RIMBP2: variants seen among roughly 807,000 people sequenced by gnomAD.
RIMBP2 encodes the protein RIMS-binding protein 2.
In RIMBP2, 48 loss-of-function variants were observed where a neutral mutation model predicts 118.6. The observed-to-expected ratio is 0.40, with a 90% CI of 0.32 to 0.51. The LOEUF is 0.51. Among genes scored for constraint, RIMBP2 ranks in the 20% least tolerant of loss-of-function variants. RIMBP2 has a pLI of 0.41. For synonymous variants in RIMBP2, 762 were observed against 742.9 expected, an observed-to-expected ratio of 1.03 and a Z score of -0.42; for missense variants, 1,551 against 1,768.3, an observed-to-expected ratio of 0.88 and a Z score of 2.20.
chr12:130,646,630 A>T (rs993961562), intron 1 of RIMBP2, among the ~76,000 whole-genome samples: 2 of 152,240 alleles, frequency 1.3e-5, no homozygotes, highest in African/African-American at 4.8e-5. Flanking sequence ...TCTTAGAGGT[A>T]TAGGGAGCTT....
intron 2 of RIMBP2, among the ~76,000 whole-genome samples, chr12:130,556,688 C>T (rs1426793500): frequency 1.3e-5 from 2 of 152,196 alleles, no homozygotes; most frequent in Non-Finnish European, 1.5e-5. Context: ...GGCTCCCCAC[C>T]TTCTCGCCTG....
chr12:130,478,017 G>A (rs572959014), intron 5 of RIMBP2, among the ~76,000 whole-genome samples: 2 of 152,198 alleles, frequency 1.3e-5, no homozygotes, highest in Admixed American at 6.5e-5. Flanking sequence ...CTTCCTGGGG[G>A]CACCCCAAGC....
At chr12:130,499,112 G>A (rs892502012) in intron 4 of RIMBP2, among the ~76,000 whole-genome samples, 1 of 152,246 alleles carries the variant, frequency 6.6e-6, no homozygotes, top group African/African-American at 2.4e-5. Context: ...CAACAGGAAA[G>A]AGCATGAAGC....
At chr12:130,699,383 G>T (rs1209890985) in intron 1 of RIMBP2, among the ~76,000 whole-genome samples, 1 of 152,006 alleles carries the variant, frequency 6.6e-6, no homozygotes, top group African/African-American at 2.4e-5. Flanking sequence ...ATATACCATG[G>T]AATACTATGC....
intron 1 of RIMBP2, among the ~76,000 whole-genome samples, chr12:130,651,086 T>TG (rs2063215680): frequency 6.6e-6 from 1 of 152,084 alleles, no homozygotes; most frequent in East Asian, 1.9e-4. Context: ...AACTACAGCC[T>TG]GGGTCAGGAC....
Position 130,710,770 on chromosome 12 carries a change from A to C in RIMBP2, c.-352+5452T>G, listed in dbSNP as rs1305343672. On this transcript the variant is annotated intron_variant, in intron 1 of 22. Coordinates refer to ENST00000690449, the MANE Select transcript of RIMBP2 (RefSeq NM_001393629.1). The surrounding 1 kb of genome is among the most constrained non-coding windows in gnomAD (Gnocchi z 4.3). ...TGCTTATCCAGCACCTACTAATGAC[A>C]GACCACAAAACACCAACAAATGAGA... 1.3e-5 allele frequency among the ~76,000 whole-genome samples: 2 copies of C among 152,124 alleles called. No individual in the cohort carries two copies. Among genetic ancestry groups the C allele is most frequent in the East Asian group, 3.9e-4 (2 of 5,176 alleles).
chr12:130,497,645 C>T (rs1465665943), intron 4 of RIMBP2, among the ~76,000 whole-genome samples: 1 of 152,222 alleles, frequency 6.6e-6, no homozygotes, highest in Non-Finnish European at 1.5e-5. Context: ...GCAGTAGAAA[C>T]TCACATGAAA....
chr12:130,672,769 A>C (rs982028751), intron 1 of RIMBP2, among the ~76,000 whole-genome samples: 8 of 152,150 alleles, frequency 5.3e-5, no homozygotes, highest in Admixed American at 3.3e-4. Flanking sequence ...GGAGCCTCTC[A>C]TTTCTTTTCT....
intron 1 of RIMBP2, chr12:130,660,243 G>A (rs548983559): frequency 2.1e-5 from 2 of 94,778 alleles, no homozygotes; most frequent in African/African-American, 6.7e-5. Flanking sequence ...TCCAGAGCTC[G>A]ATGGCCACAG....
At chr12:130,457,910 C>T (rs538628584) in intron 6 of RIMBP2, among the ~76,000 whole-genome samples, 6 of 150,956 alleles carry the variant, frequency 4.0e-5, no homozygotes, top group Admixed American at 6.7e-5. Flanking sequence ...TTAGGATGGC[C>T]GGGAACATCC....
intron 4 of RIMBP2, among the ~76,000 whole-genome samples, chr12:130,487,663 C>T (rs1465490722): frequency 2.0e-5 from 3 of 152,188 alleles, no homozygotes; most frequent in African/African-American, 7.2e-5. Flanking sequence ...AGTGTCCTGA[C>T]CAGTGACCAG....
intron 1 of RIMBP2, among the ~76,000 whole-genome samples, chr12:130,684,077 C>T (rs2064934912): frequency 1.3e-5 from 2 of 152,184 alleles, no homozygotes; most frequent in South Asian, 4.1e-4. Flanking sequence ...CTGAAGCCTG[C>T]TGTCTGGAGG....
chr12:130,639,695 C>T (rs1013738533), intron 1 of RIMBP2, among the ~76,000 whole-genome samples: 1 of 152,080 alleles, frequency 6.6e-6, no homozygotes, highest in Non-Finnish European at 1.5e-5. Flanking sequence ...ACCGTGTCCT[C>T]TGCTATACTC....
At chr12:130,711,738 A>G (rs749796541) in intron 1 of RIMBP2, among the ~76,000 whole-genome samples, 36 of 152,260 alleles carry the variant, frequency 2.4e-4, no homozygotes, top group Admixed American at 5.9e-4. Flanking sequence ...ACCCTAGTAC[A>G]GTGTGACTGG....
rs549592743 is a variant in RIMBP2, at chr12:130,475,870, T to G, written c.102+3042A>C. Among the ~76,000 whole-genome samples, 12 of 151,858 alleles carry G rather than the reference T, an allele frequency of 7.9e-5. No individual in the cohort carries two copies. The South Asian group carries it at 2.5e-3, about 32-fold the overall frequency. ...GGTGTTGGTGAGGACAGAGGGGAGT[T>G]CTGTGTGGGACGTGGCGTCCGAGGC... is the stretch of plus-strand genomic sequence containing the variant. On this transcript the variant is annotated intron_variant, in intron 5 of 22. Transcript: ENST00000690449. This position sits in a 1 kb window ranked among gnomAD's most constrained non-coding sequence, Gnocchi z 4.1.
chr12:130,414,583 G>GTC, intron 17 of RIMBP2: 1 of 287,652 alleles, frequency 3.5e-6, no homozygotes, highest in Admixed American at 4.7e-5. Context: ...GCACAGGCTG[G>GTC]GGCAGGGGCT....
chr12:130,570,115 T>C (rs2057517029), intron 2 of RIMBP2, among the ~76,000 whole-genome samples: 2 of 152,120 alleles, frequency 1.3e-5, no homozygotes, highest in African/African-American at 4.8e-5. Flanking sequence ...CCTCTCTCTC[T>C]GTGATGTATT....
At chr12:130,490,617 G>T (rs1566134810) in intron 4 of RIMBP2, among the ~76,000 whole-genome samples, 1 of 152,148 alleles carries the variant, frequency 6.6e-6, no homozygotes, top group Non-Finnish European at 1.5e-5. Context: ...GGCAGGTTCG[G>T]TAAGTTCCAG....
chr12:130,588,255 C>G (rs920962922), intron 2 of RIMBP2, among the ~76,000 whole-genome samples: 3 of 152,228 alleles, frequency 2.0e-5, no homozygotes, highest in African/African-American at 7.2e-5. Flanking sequence ...TATTCCCCAA[C>G]CCACTGACAA....
Sources: gnomAD v4.1 joint callset for allele counts (sites outside exome capture counted in the v4.1 genomes callset) on GRCh38, gnomAD v4.1.1 for gene constraint, Gnocchi (gnomAD v3.1) non-coding constraint, MANE v1.5 for transcripts, NCBI Gene and HGNC (gene_info 2026-07-23, HGNC 2026-07-21) for gene names.